Variants in ANXA3 observed in about 807,000 individuals in gnomAD.
ANXA3 encodes the protein annexin A3, also known as 35-alpha calcimedin.
ANXA3 carries 46 observed loss-of-function variants against 48.8 expected under a neutral mutation model. The observed-to-expected ratio is 0.94, with a 90% confidence interval of 0.74 to 1.21. ANXA3 has a LOEUF of 1.21. Ranked by LOEUF, ANXA3 falls within the 50% of genes most tolerant of loss-of-function variation. The pLI is 0.00. For missense variants in ANXA3, 383 were observed against 378.6 expected (o/e 1.01, Z -0.10); for synonymous variants, 128 against 134.7 (o/e 0.95, Z 0.35).
chr4:78,573,129 C>T, intron 2 of ANXA3, 51 bp from the exon 3 acceptor site: 1 of 1,355,874 alleles, frequency 7.4e-7, no homozygotes, highest in Non-Finnish European at 1.1e-6. Flanking sequence ...ATATGTAATA[C>T]AAGAAAGATG....
chr4:78,604,112 A>T (rs1723599723), intron 11 of ANXA3, 165 bp from the exon 12 acceptor site: 1 of 628,102 alleles, frequency 1.6e-6, no homozygotes. Flanking sequence ...GTAGGTGCTC[A>T]ACAAATATTT....
chr4:78,593,843 G>T (rs1014695797), intron 7 of ANXA3, among the ~76,000 whole-genome samples: 2 of 139,190 alleles, frequency 1.4e-5, no homozygotes, highest in South Asian at 2.2e-4. Flanking sequence ...GCGAGAGAAG[G>T]TCTCACTCTT....
chr4:78,584,147 T>C (rs1412731812), intron 5 of ANXA3, among the ~76,000 whole-genome samples: 1 of 152,240 alleles, frequency 6.6e-6, no homozygotes, highest in Non-Finnish European at 1.5e-5. Flanking sequence ...TATATTTTCT[T>C]AACTGCACTT....
At chr4:78,562,231 A>AC (rs1722640873) in intron 2 of ANXA3, among the ~76,000 whole-genome samples, 1 of 151,598 alleles carries the variant, frequency 6.6e-6, no homozygotes, top group Admixed American at 6.6e-5. Flanking sequence ...CAGTTAGAAA[A>AC]AAAGAAGTAT....
intron 6 of ANXA3, among the ~76,000 whole-genome samples, chr4:78,586,798 C>A (rs780316579): frequency 2.0e-5 from 3 of 152,288 alleles, no homozygotes; most frequent in Admixed American, 6.5e-5. Flanking sequence ...AGTCTGCTGG[C>A]TGTGTAAAAT....
At chr4:78,599,669 G>C (rs1203058329) in intron 10 of ANXA3, among the ~76,000 whole-genome samples, 1 of 152,106 alleles carries the variant, frequency 6.6e-6, no homozygotes, top group Non-Finnish European at 1.5e-5. Context: ...AACATAGTGA[G>C]AGCAGCATTC....
chr4:78,559,582 A>T (rs1387051712), intron 2 of ANXA3, among the ~76,000 whole-genome samples: 2 of 152,212 alleles, frequency 1.3e-5, no homozygotes, highest in African/African-American at 4.8e-5. Context: ...AATGCCTACT[A>T]ACTTTGTTTT....
chr4:78,579,844 G>C (rs1019223696), intron 4 of ANXA3, among the ~76,000 whole-genome samples: 1 of 152,198 alleles, frequency 6.6e-6, no homozygotes, highest in South Asian at 2.1e-4. Flanking sequence ...GCTGAGGCAG[G>C]AGAATTGCTT....
At chr4:78,595,728 A>C in intron 8 of ANXA3, 66 bp from the exon 9 acceptor site, 1 of 1,011,844 alleles carries the variant, frequency 9.9e-7, no homozygotes, top group East Asian at 2.5e-5. Flanking sequence ...TACAACTCCG[A>C]TTCTTCTCAT....
chr4:78,563,546 A>G (rs1185022395), intron 2 of ANXA3, among the ~76,000 whole-genome samples: 2 of 152,184 alleles, frequency 1.3e-5, no homozygotes, highest in Non-Finnish European at 2.9e-5. Context: ...CCATGTGAGA[A>G]CACAGCCAGA....
At chr4:78,593,104 A>G (rs1273895542) in intron 7 of ANXA3, among the ~76,000 whole-genome samples, 2 of 128,906 alleles carry the variant, frequency 1.6e-5, no homozygotes, top group Non-Finnish European at 3.2e-5. Flanking sequence ...TTGTACATGA[A>G]CACACATACC....
intron 2 of ANXA3, among the ~76,000 whole-genome samples, chr4:78,558,542 G>A (rs1240147355): frequency 1.3e-5 from 2 of 152,152 alleles, no homozygotes; most frequent in Non-Finnish European, 2.9e-5. Context: ...TATTACAGTG[G>A]TATGATCAAG....
intron 2 of ANXA3, among the ~76,000 whole-genome samples, chr4:78,570,547 T>C (rs897145551): frequency 1.3e-5 from 2 of 152,248 alleles, no homozygotes; most frequent in Admixed American, 6.5e-5. Context: ...CCTGGTCATA[T>C]ACATTTAAAG....
intron 7 of ANXA3, among the ~76,000 whole-genome samples, chr4:78,593,480 G>A (rs1232571607): frequency 6.7e-6 from 1 of 150,182 alleles, no homozygotes; most frequent in Non-Finnish European, 1.5e-5. Flanking sequence ...GGGATTACAG[G>A]CGTGAGCCAC....
At position 78,610,093 on chromosome 4, in the gene ANXA3, A is replaced by G. The variant is rs1338207658; in HGVS notation, c.950A>G (p.Lys317Arg). The part of the protein sequence containing the change: ...TSGDYEITLL[K>R]ICGGDD Reference sequence around the variant, plus strand: ...GGAGACTATGAAATCACACTCTTAAAAATCTGTGGTGGAGATGACTGAACC... The same window carrying G: ...GGAGACTATGAAATCACACTCTTAAGAATCTGTGGTGGAGATGACTGAACC... The change falls in exon 13 of 13, where the codon AAA becomes AGA. Residue 317 changes from lysine to arginine, a missense_variant. Lys to Arg is a conservative substitution (Grantham distance 26, BLOSUM62 2). Transcript: ENST00000264908. The G allele has an allele frequency of 3.1e-6, 5 of 1,611,326 alleles. No individual in the cohort carries two copies. The highest frequency in any genetic ancestry group is 4.2e-6 in the Non-Finnish European group (5 of 1,178,358).
At chr4:78,558,529 G>A (rs1496593) in intron 2 of ANXA3, among the ~76,000 whole-genome samples, 109,337 of 152,114 alleles carry the variant, frequency 0.72, 40,289 homozygotes, top group East Asian at 0.88. Flanking sequence ...TGTATGATTA[G>A]TTTATTACAG....
chr4:78,607,280 G>T (rs190511495), intron 12 of ANXA3, among the ~76,000 whole-genome samples: 84 of 152,198 alleles, frequency 5.5e-4, no homozygotes, highest in African/African-American at 2.0e-3. Flanking sequence ...TTACATTTTT[G>T]CTATTGAAGA....
intron 5 of ANXA3, among the ~76,000 whole-genome samples, chr4:78,582,765 A>T (rs189254361): frequency 1.3e-5 from 2 of 152,182 alleles, no homozygotes; most frequent in East Asian, 3.8e-4. Flanking sequence ...ATAGGCTTCT[A>T]ACTGGTCCCT....
intron 2 of ANXA3, among the ~76,000 whole-genome samples, chr4:78,566,317 A>T (rs1011656043): frequency 6.6e-5 from 10 of 152,106 alleles, no homozygotes; most frequent in Admixed American, 2.6e-4. Context: ...TCTTGCTCTG[A>T]CACTGCCCTG....
Sources: allele counts gnomAD v4.1 joint callset (sites outside exome capture counted in the v4.1 genomes callset), GRCh38; gene constraint gnomAD v4.1.1; transcripts MANE v1.5; gene names NCBI Gene and HGNC (gene_info 2026-07-23, HGNC 2026-07-21).